The following IFRD1 variants were observed in gnomAD, a reference collection of about 807,000 sequenced individuals.
The protein encoded by IFRD1 is interferon related developmental regulator 1, also known as interferon-related developmental regulator 1.
Under a neutral mutation model 52.9 loss-of-function variants are expected in IFRD1, and 35 were observed. The observed-to-expected ratio is 0.66, with a 90% CI of 0.51 to 0.88. The LOEUF is 0.88. IFRD1 is among the 40% of genes least tolerant of loss of function. The probability of loss-of-function intolerance (pLI) is 0.00; values close to 1 mark genes in which losing one functional copy is unlikely to be tolerated. For missense variants in IFRD1, 517 were observed against 550.8 expected (o/e 0.94, Z 0.61); for synonymous variants, 184 against 188.4 (o/e 0.98, Z 0.19).
At position 112,457,031 on chromosome 7, in the gene IFRD1, G is replaced by GA. The variant is rs1162402096; in HGVS notation, c.408dup (p.Gly137ArgfsTer2). On this transcript the variant is annotated frameshift_variant, in exon 4 of 12. Transcript: ENST00000403825. LOFTEE classifies it high-confidence loss of function. ...TAACTGATAGCATTGAACGCTGCCT[G>GA]AAAAAAGGTAATGCCCTTATTTTTG... 1.9e-6 allele frequency: 3 copies of GA among 1,613,022 alleles called. No homozygotes were observed. Among genetic ancestry groups the GA allele is most frequent in the Non-Finnish European group, 2.5e-6 (3 of 1,179,600 alleles).
chr7:112,460,544 A>C (rs1050973081), intron 5 of IFRD1, among the ~76,000 whole-genome samples: 1 of 152,114 alleles, frequency 6.6e-6, no homozygotes, highest in Non-Finnish European at 1.5e-5. Context: ...GCACCCAGCC[A>C]GTCCTAGTTC....
chr7:112,473,932 G>T (rs139055945), intron 11 of IFRD1, among the ~76,000 whole-genome samples: 1 of 152,100 alleles, frequency 6.6e-6, no homozygotes, highest in Non-Finnish European at 1.5e-5. Flanking sequence ...ACTGGCAACC[G>T]CTAATCTGCT....
intron 1 of IFRD1, among the ~76,000 whole-genome samples, chr7:112,440,160 T>A (rs1162288584): frequency 6.6e-6 from 1 of 152,180 alleles, no homozygotes; most frequent in Non-Finnish European, 1.5e-5. Flanking sequence ...TAATTTTGTA[T>A]TTTTAGTAGA....
At chr7:112,454,467 A>AT (rs1370740802) in intron 1 of IFRD1, among the ~76,000 whole-genome samples, 5 of 152,214 alleles carry the variant, frequency 3.3e-5, no homozygotes, top group African/African-American at 1.2e-4. Context: ...TGCTGGGATT[A>AT]TAAGTGTGAG....
At chr7:112,444,642 GA>G (rs1410622150) in intron 1 of IFRD1, among the ~76,000 whole-genome samples, 4 of 152,150 alleles carry the variant, frequency 2.6e-5, no homozygotes, top group African/African-American at 9.7e-5. Flanking sequence ...GTCAACAACT[GA>G]ATGTCCCCTG....
At chr7:112,457,833 A>G (rs1452113602) in intron 4 of IFRD1, 1 of 152,230 alleles carries the variant, frequency 6.6e-6, no homozygotes, top group African/African-American at 2.4e-5. Flanking sequence ...TTATAGCACC[A>G]AAAATGTAGA....
chr7:112,431,162 G>C lies in IFRD1; in HGVS notation c.-182+7730G>C, dbSNP rs374250534. On this transcript the variant is annotated intron_variant, in intron 1 of 12. Transcript: ENST00000005558. The stretch of plus-strand genomic sequence containing the variant: ...CATTAGTGCTTTACAGGGCACAAAG[G>C]GAGCTAAGGAAGCTTAAGGCTAGAC... Among the ~76,000 whole-genome samples, 4 of 152,166 alleles carry C rather than the reference G, an allele frequency of 2.6e-5. No individual in the cohort carries two copies. In the East Asian group the frequency reaches 5.8e-4, roughly 22 times the overall value.
intron 9 of IFRD1, among the ~76,000 whole-genome samples, chr7:112,469,875 C>T (rs932966265): frequency 1.3e-5 from 2 of 152,092 alleles, no homozygotes; most frequent in Non-Finnish European, 2.9e-5. Flanking sequence ...TCTCCCTTGT[C>T]CCTCCAGCCT....
chr7:112,445,342 A>G (rs1415887493), intron 1 of IFRD1, among the ~76,000 whole-genome samples: 2 of 152,080 alleles, frequency 1.3e-5, no homozygotes, highest in African/African-American at 2.4e-5. Flanking sequence ...CTAGGATTAC[A>G]GGTGTGAGTT....
intron 1 of IFRD1, 34 bp downstream of exon 1, chr7:112,450,816 G>T: frequency 6.8e-7 from 1 of 1,480,342 alleles, no homozygotes. Context: ...CATCCCAGTT[G>T]CCGGCCAGGC....
At chr7:112,452,199 G>A (rs12705819) in intron 1 of IFRD1, 146,343 of 811,758 alleles carry the variant, frequency 0.18, 14,860 homozygotes, top group East Asian at 0.66. Flanking sequence ...TGGCTCTGTC[G>A]CCCAGGCTGG....
chr7:112,441,998 A>G (rs1429723555), intron 1 of IFRD1, among the ~76,000 whole-genome samples: 1 of 152,230 alleles, frequency 6.6e-6, no homozygotes, highest in African/African-American at 2.4e-5. Flanking sequence ...GCTTACTAAT[A>G]TTAATGGCTA....
intron 11 of IFRD1, among the ~76,000 whole-genome samples, chr7:112,474,337 A>G (rs1795838538): frequency 6.6e-6 from 1 of 152,196 alleles, no homozygotes; most frequent in Admixed American, 6.5e-5. Flanking sequence ...ACTCTTTTCC[A>G]TAGCTGCTGC....
At chr7:112,469,439 C>T (rs1196622820) in intron 9 of IFRD1, among the ~76,000 whole-genome samples, 1 of 151,932 alleles carries the variant, frequency 6.6e-6, no homozygotes, top group East Asian at 1.9e-4. Flanking sequence ...ACAAAAAAAC[C>T]CCTAACTCGA....
chr7:112,440,292 C>G (rs964799878), intron 1 of IFRD1, among the ~76,000 whole-genome samples: 2 of 151,988 alleles, frequency 1.3e-5, no homozygotes, highest in Admixed American at 6.6e-5. Context: ...GTCACAAAAG[C>G]CTTTCTTGAA....
At chr7:112,441,459 G>T (rs116256436) in intron 1 of IFRD1, among the ~76,000 whole-genome samples, 163 of 150,854 alleles carry the variant, frequency 1.1e-3, no homozygotes, top group African/African-American at 3.7e-3. Context: ...AAAAAGTTCA[G>T]GATGTTCCCT....
intron 1 of IFRD1, among the ~76,000 whole-genome samples, chr7:112,431,827 C>T (rs1794553760): frequency 6.6e-6 from 1 of 152,252 alleles, no homozygotes; most frequent in African/African-American, 2.4e-5. Context: ...TATATGGAAA[C>T]TCCAGTCATC....
At position 112,475,459 on chromosome 7, in the gene IFRD1, T is replaced by G; in HGVS notation, c.1296T>G (p.Ala432=). Residue 432 remains alanine, a synonymous_variant, in exon 12 of 12, where the codon GCT becomes GCG. Transcript: ENST00000403825. ...TATATAACTCTGCAGCCTTCAAAGC[T>G]CGAACCAAAGCTAGAAGCAAATGTC... The part of the protein sequence containing the change: ...RHLYNSAAFK[A]RTKARSKCRD... 1 of 1,612,410 alleles carries G rather than the reference T, an allele frequency of 6.2e-7. No homozygotes were observed. Among genetic ancestry groups the G allele is most frequent in the Non-Finnish European group, 8.5e-7 (1 of 1,178,744 alleles).
intron 1 of IFRD1, chr7:112,437,364 T>C (rs1794728132): frequency 6.5e-6 from 1 of 154,302 alleles, no homozygotes; most frequent in Non-Finnish European, 1.5e-5. Context: ...ATAAACAAGT[T>C]AGTGCAGTGA....
Sources: allele counts gnomAD v4.1 joint callset (sites outside exome capture counted in the v4.1 genomes callset), GRCh38; gene constraint gnomAD v4.1.1; transcripts MANE v1.5; gene names NCBI Gene and HGNC (gene_info 2026-07-23, HGNC 2026-07-21).